KSR2: variants seen among roughly 807,000 people sequenced by gnomAD.
KSR2 encodes the protein kinase suppressor of ras 2.
Under a neutral mutation model 107.8 loss-of-function variants are expected in KSR2, and 25 were observed. The ratio of observed to expected loss-of-function variants is 0.23; its 90% confidence interval spans 0.17 to 0.32. The LOEUF (loss-of-function observed/expected upper bound fraction) is 0.32, where lower values mean the gene tolerates loss of function less well. Ranked by LOEUF, KSR2 falls within the 10% of genes least tolerant of loss-of-function variation. The pLI, the probability that KSR2 is intolerant of heterozygous loss-of-function variation, is 1.00. For synonymous variants in KSR2, 480 were observed against 507.0 expected (o/e 0.95, Z 0.71); for missense variants, 887 against 1,268.9 (o/e 0.70, Z 4.57).
chr12:117,660,039 C>G (rs1053046285), intron 5 of KSR2, among the ~76,000 whole-genome samples: 25 of 152,266 alleles, frequency 1.6e-4, no homozygotes, highest in South Asian at 4.2e-4. Context: ...GCTGCTACAC[C>G]CTTTTCAGGT....
At chr12:117,794,318 TGCACTC>T in intron 3 of KSR2, among the ~76,000 whole-genome samples, 3 of 71,496 alleles carry the variant, frequency 4.2e-5, no homozygotes, top group Admixed American at 2.0e-4. Context: ...CACACCAACA[TGCACTC>T]ACACCAACAT....
At chr12:117,551,289 CCTT>C (rs1049229165) in intron 9 of KSR2, among the ~76,000 whole-genome samples, 1 of 152,046 alleles carries the variant, frequency 6.6e-6, no homozygotes, top group Non-Finnish European at 1.5e-5. Context: ...CTTTCCTCCT[CCTT>C]CCTTCTTCCT....
rs1412715496 is a variant in KSR2 at position 117,457,225 on chromosome 12, G to A, written c.*9974C>T. On this transcript the variant is annotated 3_prime_UTR_variant, in exon 20 of 20. Coordinates refer to ENST00000339824, the MANE Select transcript of KSR2 (RefSeq NM_173598.6). ...CTTTAAAAACCTATTTCCCTGCAATGTTCACTTAAGGAGTCCCCTCCTTGT... is the reference window on the plus strand; with the variant it reads ...CTTTAAAAACCTATTTCCCTGCAATATTCACTTAAGGAGTCCCCTCCTTGT... The A allele has an allele frequency of 6.6e-6, 1 of 152,244 alleles. No homozygotes were observed. The highest frequency in any genetic ancestry group is 2.4e-5 in the African/African-American group (1 of 41,468). 9.4% of individuals were successfully genotyped at this position (152,244 alleles called of 1,614,324 possible).
intron 3 of KSR2, among the ~76,000 whole-genome samples, chr12:117,831,738 T>C (rs1891978394): frequency 6.6e-6 from 1 of 152,230 alleles, no homozygotes. Flanking sequence ...AGTTATTATC[T>C]GAATTTCCAC....
At chr12:117,848,761 A>ATGATGGTGGTAATGATGGTGGTGGGTGG (rs1465576338) in intron 3 of KSR2, among the ~76,000 whole-genome samples, 48 of 99,766 alleles carry the variant, frequency 4.8e-4, no homozygotes, top group Admixed American at 1.1e-3. Context: ...GGTGATGGCG[A>ATGATGGTGGTAATGATGGTGGTGGGTGG]TGATGGTGGT....
At chr12:117,926,354 C>T (rs919450877) in intron 1 of KSR2, among the ~76,000 whole-genome samples, 6 of 152,242 alleles carry the variant, frequency 3.9e-5, no homozygotes, top group African/African-American at 1.4e-4. Flanking sequence ...CACAGGGATG[C>T]TGTAAGCACC....
chr12:117,950,906 CTTAT>C (rs531470526), intron 1 of KSR2, among the ~76,000 whole-genome samples: 186 of 151,428 alleles, frequency 1.2e-3, no homozygotes, highest in African/African-American at 3.8e-3. Flanking sequence ...AGCGGTTCTT[CTTAT>C]TTATTTATTT....
At chr12:117,516,535 T>C (rs1874389922) in intron 14 of KSR2, among the ~76,000 whole-genome samples, 1 of 152,214 alleles carries the variant, frequency 6.6e-6, no homozygotes, top group Admixed American at 6.5e-5. Flanking sequence ...GTTGTTATTA[T>C]ATCATTATTA....
rs1228663896 is a variant in KSR2 at position 117,524,882 on chromosome 12, A to G, written c.2189T>C (p.Met730Thr). 3 of 1,612,750 alleles carry G rather than the reference A, an allele frequency of 1.9e-6. 1 individual carries two copies. The Admixed American group carries it at 5.0e-5, about 27-fold the overall frequency. ...GATGATGGCCAGGTGAGGCGGGCTCATGCAGGCACCCATGAAAAGCACCAC... is the reference window on the plus strand; with the variant it reads ...GATGATGGCCAGGTGAGGCGGGCTCGTGCAGGCACCCATGAAAAGCACCAC... ...ENVVLFMGAC[M>T]SPPHLAIITS... Residue 730 changes from methionine to threonine, a missense_variant, in exon 14 of 20, where the codon ATG becomes ACG. By Grantham distance (81) the Met-to-Thr change is moderately conservative (BLOSUM62 -1). Around this residue, in one of 8 missense-constraint regions of KSR2, gnomAD observed 308 missense variants for 506.2 expected, o/e 0.61. Coordinates refer to ENST00000339824, the MANE Select transcript of KSR2 (RefSeq NM_173598.6).
In KSR2 at chr12:117,837,389, C is replaced by T. The variant is rs534166502; in HGVS notation, c.472+18039G>A. ...GATTTCAAGACAATTTTGACGTCTC[C>T]GCTAAAGGAAGCTTATCGGGCAGCG... is the stretch of plus-strand genomic sequence containing the variant. On this transcript the variant is annotated intron_variant, in intron 3 of 19. Transcript: ENST00000339824. Among the ~76,000 whole-genome samples the T allele has an allele frequency of 2.4e-4, 37 of 152,254 alleles. 1 individual carries two copies. The highest frequency in any genetic ancestry group is 6.2e-4 in the South Asian group (3 of 4,816).
chr12:117,619,099 G>C (rs1227133822), intron 5 of KSR2, among the ~76,000 whole-genome samples: 4 of 152,158 alleles, frequency 2.6e-5, no homozygotes, highest in East Asian at 3.9e-4. Flanking sequence ...AGGAGACCTT[G>C]AGAATTACTA....
chr12:117,901,112 T>C (rs1220687908), intron 1 of KSR2, among the ~76,000 whole-genome samples: 2 of 151,944 alleles, frequency 1.3e-5, no homozygotes, highest in Non-Finnish European at 2.9e-5. Context: ...CAGTGCGTCA[T>C]GGAAGGAGAG....
chr12:117,497,613 G>A (rs1873111687), intron 14 of KSR2, among the ~76,000 whole-genome samples: 1 of 152,172 alleles, frequency 6.6e-6, no homozygotes, highest in Admixed American at 6.5e-5. Context: ...TCTAAAGAGG[G>A]TACAGACCAG....
chr12:117,951,021 C>T (rs1896349641), intron 1 of KSR2, among the ~76,000 whole-genome samples: 1 of 151,948 alleles, frequency 6.6e-6, no homozygotes, highest in South Asian at 2.1e-4. Flanking sequence ...CATTCTCCTG[C>T]CTTAGCCTCC....
intron 15 of KSR2, 81 bp downstream of exon 15, chr12:117,485,514 G>A: frequency 1.0e-6 from 1 of 1,004,218 alleles, no homozygotes; most frequent in Non-Finnish European, 1.6e-6. Flanking sequence ...TGAATCTTAG[G>A]AGCCCTGGGG....
chr12:117,903,934 G>C (rs1894764466), intron 1 of KSR2, among the ~76,000 whole-genome samples: 1 of 152,142 alleles, frequency 6.6e-6, no homozygotes, highest in South Asian at 2.1e-4. Flanking sequence ...AGGAGTTCAA[G>C]GCTGCAGTGA....
chr12:117,864,729 A>G (rs1893416834), intron 1 of KSR2, among the ~76,000 whole-genome samples: 1 of 152,216 alleles, frequency 6.6e-6, no homozygotes, highest in African/African-American at 2.4e-5. Context: ...GCCAAACTTC[A>G]ATCTTCACAT....
intron 3 of KSR2, among the ~76,000 whole-genome samples, chr12:117,816,863 C>T (rs966804669): frequency 4.6e-5 from 7 of 152,184 alleles, no homozygotes; most frequent in African/African-American, 1.7e-4. Flanking sequence ...AGTGGGTCTG[C>T]CCATAGTTCA....
intron 5 of KSR2, among the ~76,000 whole-genome samples, chr12:117,637,278 A>G (rs1883136071): frequency 6.6e-6 from 1 of 152,206 alleles, no homozygotes; most frequent in South Asian, 2.1e-4. Flanking sequence ...TTTGACACTC[A>G]TCCCCACCTC....
Sources: allele counts gnomAD v4.1 joint callset (sites outside exome capture counted in the v4.1 genomes callset), GRCh38; gene constraint gnomAD v4.1.1; regional missense constraint gnomAD v4.1.1; transcripts MANE v1.5; gene names NCBI Gene and HGNC (gene_info 2026-07-23, HGNC 2026-07-21).